The following PPP1R16B variants were observed in gnomAD, a reference collection of about 807,000 sequenced individuals.
PPP1R16B encodes protein phosphatase 1 regulatory inhibitor subunit 16B.
A neutral mutation model predicts 61.7 loss-of-function variants in PPP1R16B; 14 were observed. That is an observed-to-expected ratio of 0.23 (90% CI 0.15 to 0.35). The LOEUF is 0.35. Among genes scored for constraint, PPP1R16B ranks in the 10% least tolerant of loss-of-function variants. The pLI is 1.00. For missense variants in PPP1R16B, 547 were observed against 752.5 expected (o/e 0.73, Z 3.19); for synonymous variants, 266 against 305.3 (o/e 0.87, Z 1.34).
chr20:38,911,727 G>A lies in PPP1R16B; in HGVS notation c.1194+3534G>A, dbSNP rs185808501. 3.7e-3 allele frequency among the ~76,000 whole-genome samples: 570 copies of A among 152,010 alleles called. 2 individuals carry two copies. Among genetic ancestry groups the A allele is most frequent in the African/African-American group, 0.013 (547 of 41,454 alleles). ...AATTTTTCTATTTTTAGTAGAGATG[G>A]GGTTTCGCCATATTGGCCAGGCTGG... is the stretch of plus-strand genomic sequence containing the variant. On this transcript the variant is annotated intron_variant, in intron 10 of 10. Transcript: ENST00000299824.
At chr20:38,810,544 C>T (rs888420837) in intron 1 of PPP1R16B, among the ~76,000 whole-genome samples, 5 of 152,194 alleles carry the variant, frequency 3.3e-5, no homozygotes, top group Admixed American at 3.3e-4. Flanking sequence ...ACTCCCTCTT[C>T]CTGAGATGCT....
At chr20:38,858,131 G>T (rs1232987072) in intron 2 of PPP1R16B, among the ~76,000 whole-genome samples, 1 of 151,982 alleles carries the variant, frequency 6.6e-6, no homozygotes, top group Non-Finnish European at 1.5e-5. Context: ...CCATCATGGG[G>T]GCCCCATCAT....
intron 2 of PPP1R16B, among the ~76,000 whole-genome samples, chr20:38,867,529 A>G (rs2085098358): frequency 6.6e-6 from 1 of 152,130 alleles, no homozygotes; most frequent in Non-Finnish European, 1.5e-5. Flanking sequence ...TACACTACCT[A>G]CTTAAAAGGG....
intron 2 of PPP1R16B, among the ~76,000 whole-genome samples, chr20:38,881,607 C>T (rs913174750): frequency 2.0e-5 from 3 of 152,152 alleles, no homozygotes; most frequent in African/African-American, 4.8e-5. Context: ...GCAGGGAGAC[C>T]GACAGAGGTG....
At chr20:38,902,402 G>C (rs770525074) in intron 5 of PPP1R16B, among the ~76,000 whole-genome samples, 137 of 152,192 alleles carry the variant, frequency 9.0e-4, no homozygotes, top group Non-Finnish European at 1.7e-3. Flanking sequence ...TGGATGGTAA[G>C]GACTTTCAGG....
intron 2 of PPP1R16B, among the ~76,000 whole-genome samples, chr20:38,884,535 C>T (rs1160369381): frequency 6.6e-6 from 1 of 152,114 alleles, no homozygotes; most frequent in Non-Finnish European, 1.5e-5. Context: ...GGATGTGTTC[C>T]AATAAAACTT....
intron 2 of PPP1R16B, among the ~76,000 whole-genome samples, chr20:38,870,230 G>A (rs931240541): frequency 2.0e-5 from 3 of 152,152 alleles, no homozygotes; most frequent in African/African-American, 7.2e-5. Context: ...GAGCAACCAC[G>A]CCCGGCCTGC....
chr20:38,812,911 C>A (rs1271812176), intron 1 of PPP1R16B, among the ~76,000 whole-genome samples: 1 of 152,184 alleles, frequency 6.6e-6, no homozygotes, highest in South Asian at 2.1e-4. Flanking sequence ...TGGTTTCCTG[C>A]TAAAATGCAG....
At chr20:38,873,872 G>A (rs2085148026) in intron 2 of PPP1R16B, among the ~76,000 whole-genome samples, 2 of 151,828 alleles carry the variant, frequency 1.3e-5, no homozygotes, top group Admixed American at 6.6e-5. Flanking sequence ...GGGATTACAG[G>A]CATGTGCCAC....
chr20:38,857,418 C>T (rs2085015728), intron 2 of PPP1R16B, among the ~76,000 whole-genome samples: 2 of 152,154 alleles, frequency 1.3e-5, no homozygotes, highest in Admixed American at 6.5e-5. Flanking sequence ...TTAATGAAAG[C>T]AATGCAATCG....
chr20:38,821,469 G>C (rs1442349459), intron 1 of PPP1R16B, among the ~76,000 whole-genome samples: 2 of 152,330 alleles, frequency 1.3e-5, no homozygotes, highest in Admixed American at 1.3e-4. Flanking sequence ...GAATGAGAAG[G>C]GAAGATATGA....
In PPP1R16B at chr20:38,855,978, A is replaced by AAGAAGGAGGAGGAGGAGGAGGAG. The variant is rs1265586618; in HGVS notation, c.250+19803_250+19804insAGAAGGAGGAGGAGGAGGAGGAG. On this transcript the variant is annotated intron_variant, in intron 2 of 10. Transcript: ENST00000299824. ...GAGAGAGAGAGAGAGAGAGAGAGAGAGAGAAGGAGGAGGAGAGAGACCAGG... is the reference window on the plus strand; with the variant it reads ...GAGAGAGAGAGAGAGAGAGAGAGAGAAGAAGGAGGAGGAGGAGGAGGAGGAGAAGGAGGAGGAGAGAGACCAGG... 1.1e-3 allele frequency among the ~76,000 whole-genome samples: 34 copies of AAGAAGGAGGAGGAGGAGGAGGAG among 29,736 alleles called. 3 individuals are homozygous for AAGAAGGAGGAGGAGGAGGAGGAG. The highest frequency in any genetic ancestry group is 2.5e-3 in the African/African-American group (11 of 4,444). 19.5% of individuals were successfully genotyped at this position (29,736 alleles called of 152,430 possible).
At chr20:38,897,160 A>G (rs1188195678) in intron 4 of PPP1R16B, among the ~76,000 whole-genome samples, 3 of 151,506 alleles carry the variant, frequency 2.0e-5, no homozygotes, top group African/African-American at 7.3e-5. Flanking sequence ...TAAATAAATA[A>G]ATAAATGAAA....
chr20:38,852,768 T>TTTGGGG (rs1601257219), intron 2 of PPP1R16B, among the ~76,000 whole-genome samples: 5 of 62,334 alleles, frequency 8.0e-5, no homozygotes, highest in Non-Finnish European at 8.9e-5. Context: ...TTTTTTTTTT[T>TTTGGGG]GCGGGGGGTG....
At chr20:38,883,541 G>A (rs1340737378) in intron 2 of PPP1R16B, among the ~76,000 whole-genome samples, 2 of 152,236 alleles carry the variant, frequency 1.3e-5, no homozygotes, top group East Asian at 1.9e-4. Flanking sequence ...GCAGGGATAC[G>A]TGAGTGAGGA....
chr20:38,895,503 T>C, intron 3 of PPP1R16B, 62 bp from the exon 4 acceptor site: 3 of 1,550,446 alleles, frequency 1.9e-6, no homozygotes, highest in Middle Eastern at 1.7e-4. Flanking sequence ...TGGTGTGTCC[T>C]GACCAGGGCC....
At position 38,858,460 on chromosome 20, in the gene PPP1R16B, T is replaced by G. The variant is rs556634323; in HGVS notation, c.250+22285T>G. Reference sequence around the variant, plus strand: ...GAAGAGCTATGGGGTCTTCAGACCCTGCCAGAACACAGGGCATATCATTTT... The same window carrying G: ...GAAGAGCTATGGGGTCTTCAGACCCGGCCAGAACACAGGGCATATCATTTT... On this transcript the variant is annotated intron_variant, in intron 2 of 10. Coordinates refer to ENST00000299824, the MANE Select transcript of PPP1R16B (RefSeq NM_015568.4). Among the ~76,000 whole-genome samples the G allele has an allele frequency of 1.8e-4, 27 of 152,302 alleles. No homozygotes were observed. In the South Asian group the frequency reaches 5.6e-3, roughly 32 times the overall value.
chr20:38,874,312 G>A (rs2085151100), intron 2 of PPP1R16B, among the ~76,000 whole-genome samples: 1 of 152,210 alleles, frequency 6.6e-6, no homozygotes, highest in Non-Finnish European at 1.5e-5. Context: ...GCCTGCTGGA[G>A]CCAGGAGGTG....
intron 4 of PPP1R16B, among the ~76,000 whole-genome samples, chr20:38,896,159 C>CTCCCTTCCTTCCTTCTTTCT (rs1568679514): frequency 1.7e-5 from 2 of 118,720 alleles, no homozygotes; most frequent in Non-Finnish European, 3.5e-5. Context: ...TTCTTCCTCC[C>CTCCCTTCCTTCCTTCTTTCT]TCCCTTCCTT....
Sources: allele counts gnomAD v4.1 joint callset (sites outside exome capture counted in the v4.1 genomes callset), GRCh38; gene constraint gnomAD v4.1.1; transcripts MANE v1.5; gene names NCBI Gene and HGNC (gene_info 2026-07-23, HGNC 2026-07-21).